Variants in ITGB5 observed in about 807,000 individuals in gnomAD.
ITGB5 encodes integrin subunit beta 5.
ITGB5 carries 38 observed loss-of-function variants against 84.8 expected under a neutral mutation model. The observed-to-expected ratio is 0.45, with a 90% CI of 0.35 to 0.59. The LOEUF (loss-of-function observed/expected upper bound fraction) is 0.59, where lower values mean the gene tolerates loss of function less well. ITGB5 is among the 20% of genes least tolerant of loss of function. ITGB5 has a pLI of 0.01. For missense variants in ITGB5, 905 were observed against 1,034.5 expected (o/e 0.87, Z 1.72); for synonymous variants, 393 against 414.4 (o/e 0.95, Z 0.63).
chr3:124,842,187 A>C (rs1384267842), intron 4 of ITGB5, among the ~76,000 whole-genome samples: 2 of 152,256 alleles, frequency 1.3e-5, no homozygotes, highest in African/African-American at 4.8e-5. Context: ...AATGCAATAA[A>C]AATTATTTAG....
upstream of ITGB5, chr3:124,887,507 C>A (rs372195721): frequency 8.8e-4 from 162 of 184,798 alleles, 1 homozygote; most frequent in East Asian, 0.026. Context: ...CGGGGCGGGG[C>A]GAGCTCCGGG....
intron 13 of ITGB5, 107 bp from the exon 14 acceptor site, chr3:124,764,664 T>G: frequency 9.9e-7 from 1 of 1,012,054 alleles, no homozygotes; most frequent in Non-Finnish European, 1.4e-6. Context: ...CCAAAGGCCT[T>G]CTCCTCGGCT....
At chr3:124,827,120 CA>C (rs370344679) in intron 5 of ITGB5, among the ~76,000 whole-genome samples, 3 of 150,116 alleles carry the variant, frequency 2.0e-5, no homozygotes, top group South Asian at 2.1e-4. Context: ...CAAAACAAAA[CA>C]AAAAAAAACA....
chr3:124,811,526 A>G (rs1378717192), intron 8 of ITGB5, among the ~76,000 whole-genome samples: 1 of 152,116 alleles, frequency 6.6e-6, no homozygotes, highest in Non-Finnish European at 1.5e-5. Flanking sequence ...AAAACTTTGG[A>G]AGGAAACACC....
At chr3:124,808,527 A>G (rs891396510) in intron 9 of ITGB5, among the ~76,000 whole-genome samples, 2 of 152,206 alleles carry the variant, frequency 1.3e-5, no homozygotes, top group African/African-American at 2.4e-5. Flanking sequence ...CTTAATCTGG[A>G]CAAGGCATCT....
intron 7 of ITGB5, among the ~76,000 whole-genome samples, chr3:124,818,648 G>A (rs1175270414): frequency 6.6e-6 from 1 of 151,484 alleles, no homozygotes; most frequent in Non-Finnish European, 1.5e-5. Context: ...CCGGTAGCTG[G>A]GATTGTAGGC....
chr3:124,860,685 A>G (rs1049587777), intron 2 of ITGB5, among the ~76,000 whole-genome samples: 16 of 152,232 alleles, frequency 1.1e-4, no homozygotes, highest in African/African-American at 3.6e-4. Flanking sequence ...CTGGAAGCCA[A>G]TGCTGTCCTA....
intron 4 of ITGB5, among the ~76,000 whole-genome samples, chr3:124,847,690 T>C (rs2065096269): frequency 6.6e-6 from 1 of 152,200 alleles, no homozygotes; most frequent in East Asian, 1.9e-4. Flanking sequence ...GAGACCCAGT[T>C]GGACTTGAGG....
intron 1 of ITGB5, among the ~76,000 whole-genome samples, chr3:124,875,577 T>C (rs1934272121): frequency 6.6e-6 from 1 of 151,834 alleles, no homozygotes; most frequent in Non-Finnish European, 1.5e-5. Context: ...TGTAAATTAG[T>C]ACAGCTATTA....
chr3:124,867,241 C>T (rs542591929), intron 2 of ITGB5, among the ~76,000 whole-genome samples: 4 of 152,100 alleles, frequency 2.6e-5, no homozygotes, highest in African/African-American at 9.6e-5. Context: ...CTCCCATGCC[C>T]GACCCCATTT....
intron 10 of ITGB5, among the ~76,000 whole-genome samples, chr3:124,787,940 C>T (rs1402961349): frequency 9.1e-5 from 13 of 142,584 alleles, no homozygotes; most frequent in Admixed American, 5.0e-4. Context: ...TAGGGTCTTG[C>T]TCTGTTGCCC....
At chr3:124,776,760 C>T (rs1395541120) in intron 10 of ITGB5, among the ~76,000 whole-genome samples, 2 of 152,216 alleles carry the variant, frequency 1.3e-5, no homozygotes, top group African/African-American at 4.8e-5. Context: ...AGAGGCCAGG[C>T]GGGTGTTGTT....
At chr3:124,823,330 A>T (rs1291016027) in intron 5 of ITGB5, among the ~76,000 whole-genome samples, 1 of 151,966 alleles carries the variant, frequency 6.6e-6, no homozygotes, top group East Asian at 1.9e-4. Flanking sequence ...TGAAAGAAGG[A>T]ATAAGAAGGG....
rs568980751 is a variant in ITGB5, at chr3:124,774,567, G to A, written c.1694-655C>T. On this transcript the variant is annotated intron_variant, in intron 10 of 14. Transcript: ENST00000296181. ...GCCTCAGAGGGAATGCAGCCCTGCC[G>A]ACACCTCCATGTTAGCCCAGTGAAA... Among the ~76,000 whole-genome samples, 57 of 152,262 alleles carry A rather than the reference G, an allele frequency of 3.7e-4. 3 individuals are homozygous for A. The South Asian group carries it at 7.7e-3, about 21-fold the overall frequency.
At chr3:124,892,966 A>T (rs1197048932) in intron 1 of ITGB5, among the ~76,000 whole-genome samples, 1 of 152,178 alleles carries the variant, frequency 6.6e-6, no homozygotes, top group African/African-American at 2.4e-5. Context: ...TATACCCCTT[A>T]GTTTAGATAA....
chr3:124,880,608 T>C (rs1934521780), intron 1 of ITGB5, among the ~76,000 whole-genome samples: 1 of 152,134 alleles, frequency 6.6e-6, no homozygotes, highest in Non-Finnish European at 1.5e-5. Context: ...AGCGAGATTC[T>C]GTCTTTTTTT....
intron 1 of ITGB5, among the ~76,000 whole-genome samples, chr3:124,874,473 T>C (rs1037051328): frequency 6.6e-6 from 1 of 152,218 alleles, no homozygotes; most frequent in African/African-American, 2.4e-5. Flanking sequence ...AATGTCATTT[T>C]TCACAGAAAT....
At chr3:124,835,592 T>A (rs1180232793) in intron 5 of ITGB5, among the ~76,000 whole-genome samples, 1 of 152,224 alleles carries the variant, frequency 6.6e-6, no homozygotes, top group African/African-American at 2.4e-5. Context: ...AGCTCACACA[T>A]GCTGAGACAG....
chr3:124,898,643 C>CAAAAAAAAAAAAAAAAAAAAA (rs68025034), intron 1 of ITGB5, among the ~76,000 whole-genome samples: 3 of 29,274 alleles, frequency 1.0e-4, no homozygotes, highest in South Asian at 2.1e-3. Context: ...GACTCCGTCT[C>CAAAAAAAAAAAAAAAAAAAAA]AAAAAAAAAA....
Sources: gnomAD v4.1 joint callset for allele counts (sites outside exome capture counted in the v4.1 genomes callset) on GRCh38, gnomAD v4.1.1 for gene constraint, MANE v1.5 for transcripts, NCBI Gene and HGNC (gene_info 2026-07-23, HGNC 2026-07-21) for gene names.